Variants in GBP6 observed in about 807,000 individuals in gnomAD.
GBP6 encodes the protein guanylate binding protein family member 6.
A neutral mutation model predicts 61.5 loss-of-function variants in GBP6; 54 were observed. The ratio of observed to expected loss-of-function variants is 0.88; its 90% CI spans 0.71 to 1.10. GBP6 has a LOEUF of 1.10. Ranked by LOEUF, GBP6 falls within the 50% of genes least tolerant of loss-of-function variation. The pLI is 0.00. For synonymous variants in GBP6, 255 were observed against 273.7 expected (o/e 0.93, Z 0.67); for missense variants, 748 against 752.8 (o/e 0.99, Z 0.07).
Position 89,387,736 on chromosome 1 carries a change from C to T in GBP6, c.*2267C>T, listed in dbSNP as rs1284471219. On this transcript the variant is annotated 3_prime_UTR_variant, in exon 11 of 11. Transcript: ENST00000370456. Reference sequence around the variant, plus strand: ...TCACTTGAGGTCAGAAGTTTGAGACCAGCCTGGCCAACATGGCGAAACCCT... The same window carrying T: ...TCACTTGAGGTCAGAAGTTTGAGACTAGCCTGGCCAACATGGCGAAACCCT... Among the ~76,000 whole-genome samples the T allele has an allele frequency of 2.0e-5, 3 of 152,184 alleles. No individual in the cohort carries two copies. Among genetic ancestry groups the T allele is most frequent in the African/African-American group, 7.2e-5 (3 of 41,438 alleles).
intron 1 of GBP6, among the ~76,000 whole-genome samples, chr1:89,366,667 G>A (rs1448167190): frequency 1.3e-5 from 2 of 152,084 alleles, no homozygotes; most frequent in African/African-American, 4.8e-5. Flanking sequence ...GATTATCCAG[G>A]CTTTTGTCTT....
At chr1:89,373,557 T>G (rs188907504) in intron 3 of GBP6, among the ~76,000 whole-genome samples, 40 of 152,052 alleles carry the variant, frequency 2.6e-4, no homozygotes, top group East Asian at 3.9e-4. Flanking sequence ...CAGCAAACTA[T>G]CACAAGGACA....
At position 89,384,445 on chromosome 1, in the gene GBP6, A is replaced by G. The variant is rs12026618; in HGVS notation, c.1662+159A>G. ...GAATCCTTTTTTTCTTAATTGTTTCAGTAAGACTTGGAATTCTTCTCTATA... is the reference window on the plus strand; with the variant it reads ...GAATCCTTTTTTTCTTAATTGTTTCGGTAAGACTTGGAATTCTTCTCTATA... On this transcript the variant is annotated intron_variant, in intron 10 of 10. Transcript: ENST00000370456. Among the ~76,000 whole-genome samples the G allele has an allele frequency of 0.054, 8,288 of 152,224 alleles. 446 individuals are homozygous for G. The highest frequency in any genetic ancestry group is 0.27 in the East Asian group (1,394 of 5,160).
At chr1:89,372,670 G>A (rs1652678172) in intron 3 of GBP6, among the ~76,000 whole-genome samples, 3 of 152,062 alleles carry the variant, frequency 2.0e-5, no homozygotes, top group Admixed American at 2.0e-4. Context: ...AATTCAAGAT[G>A]GATTAAAGAC....
intron 5 of GBP6, among the ~76,000 whole-genome samples, chr1:89,379,864 A>G (rs1193450598): frequency 6.6e-6 from 1 of 152,238 alleles, no homozygotes; most frequent in East Asian, 1.9e-4. Flanking sequence ...TTGGCTGGGC[A>G]AGGTGACTTG....
intron 3 of GBP6, among the ~76,000 whole-genome samples, chr1:89,372,724 T>C (rs1329382923): frequency 6.6e-6 from 1 of 152,204 alleles, no homozygotes; most frequent in African/African-American, 2.4e-5. Flanking sequence ...GAAGAGAACC[T>C]AGGCAATACC....
chr1:89,378,732 G>A, intron 5 of GBP6, 119 bp downstream of exon 5: 1 of 736,986 alleles, frequency 1.4e-6, no homozygotes. Flanking sequence ...GTAGAAACGG[G>A]GACTGAGGGG....
At chr1:89,364,628 T>C (rs944037496) in intron 1 of GBP6, among the ~76,000 whole-genome samples, 12 of 122,876 alleles carry the variant, frequency 9.8e-5, no homozygotes, top group Non-Finnish European at 1.8e-4. Flanking sequence ...TGTGTGTGCG[T>C]GTGTGTGTGT....
In GBP6 at chr1:89,369,644, G is replaced by A; in HGVS notation, c.289G>A (p.Asp97Asn). The change falls in exon 3 of 11, where the codon GAC becomes AAC. Residue 97 changes from aspartate (D) to asparagine (N), a missense_variant. By Grantham distance (23) the Asp-to-Asn change is conservative (BLOSUM62 1). Coordinates refer to ENST00000370456, the MANE Select transcript of GBP6 (RefSeq NM_198460.3). ...SKPNHTLVLL[D>N]TEGLGDVEKG... is the part of the protein sequence containing the mutation. The stretch of plus-strand genomic sequence containing the variant: ...GCCAAACCACACCCTGGTCCTTCTG[G>A]ACACCGAAGGTCTGGGCGATGTGGA... 1 of 1,614,076 alleles carries A rather than the reference G, an allele frequency of 6.2e-7. No homozygotes were observed. The highest frequency in any genetic ancestry group is 8.5e-7 in the Non-Finnish European group (1 of 1,179,970).
At position 89,387,109 on chromosome 1, in the gene GBP6, A is replaced by T. The variant is rs1342609061; in HGVS notation, c.*1640A>T. ...TGAGCTAATTTCAGACCCTGAACTC[A>T]GTTGGAGTGGAGGGCAGTACCCCAG... On this transcript the variant is annotated 3_prime_UTR_variant, in exon 11 of 11. Coordinates refer to ENST00000370456, the MANE Select transcript of GBP6 (RefSeq NM_198460.3). 6.6e-6 allele frequency among the ~76,000 whole-genome samples: 1 copy of T among 152,196 alleles called. No individual in the cohort carries two copies. Among genetic ancestry groups the T allele is most frequent in the Non-Finnish European group, 1.5e-5 (1 of 68,036 alleles).
At chr1:89,369,478 T>C (rs1350678739) in intron 2 of GBP6, 68 bp from the exon 3 acceptor site, 1 of 1,557,668 alleles carries the variant, frequency 6.4e-7, no homozygotes, top group Non-Finnish European at 8.7e-7. Context: ...ACCAGTCTGA[T>C]GCTGTGGCCC....
chr1:89,384,383 C>T (rs1653077721), intron 10 of GBP6, 97 bp downstream of exon 10: 2 of 931,398 alleles, frequency 2.1e-6, no homozygotes, highest in Admixed American at 3.1e-5. Flanking sequence ...AAAGGAAGCA[C>T]ATCACCATTT....
intron 1 of GBP6, among the ~76,000 whole-genome samples, chr1:89,364,617 C>CTGTGTGTGCGTGTGTG (rs1652408354): frequency 8.2e-6 from 1 of 121,952 alleles, no homozygotes; most frequent in South Asian, 2.8e-4. Flanking sequence ...AGTCCAAACT[C>CTGTGTGTGCGTGTGTG]TGTGTGTGCG....
rs1019406128 is a variant in GBP6 at position 89,386,830 on chromosome 1, C to G, written c.*1361C>G. Among the ~76,000 whole-genome samples the G allele has an allele frequency of 1.3e-5, 2 of 152,116 alleles. No individual in the cohort carries two copies. The highest frequency in any genetic ancestry group is 4.8e-5 in the African/African-American group (2 of 41,428). On this transcript the variant is annotated 3_prime_UTR_variant, in exon 11 of 11. Coordinates refer to ENST00000370456, the MANE Select transcript of GBP6 (RefSeq NM_198460.3). ...ATGTGCCTTTCCAGAACTGAACCCCCTGATGGGGGATGATAGACCCAGACA... is the reference window on the plus strand; with the variant it reads ...ATGTGCCTTTCCAGAACTGAACCCCGTGATGGGGGATGATAGACCCAGACA...
At chr1:89,381,996 T>G in intron 7 of GBP6, 22 bp downstream of exon 7, 1 of 1,580,468 alleles carries the variant, frequency 6.3e-7, no homozygotes, top group Admixed American at 1.7e-5. Flanking sequence ...TAGTCATTAC[T>G]GTTCATCATC....
chr1:89,385,568 C>G lies in GBP6; in HGVS notation c.*99C>G. On this transcript the variant is annotated 3_prime_UTR_variant, in exon 11 of 11. Transcript: ENST00000370456. ...TTTTTTTTTTTTTCAGAGTCTTACT[C>G]TGTTGCCCAGGCTGGAGTACAGTGG... 1 of 1,164,330 alleles carries G rather than the reference C, an allele frequency of 8.6e-7. No homozygotes were observed. Among genetic ancestry groups the G allele is most frequent in the Admixed American group, 2.8e-5 (1 of 35,382 alleles). The allele number at this position is 1,164,330 out of a possible 1,614,324, so 72.1% of individuals were successfully genotyped here. A position where few individuals can be genotyped will look rare whatever the true frequency, so the allele number is the denominator to read the frequency against.
chr1:89,371,569 A>T (rs1392332452), intron 3 of GBP6, among the ~76,000 whole-genome samples: 1 of 152,230 alleles, frequency 6.6e-6, no homozygotes, highest in Non-Finnish European at 1.5e-5. Context: ...AAACCACATG[A>T]TTATCTCAAT....
chr1:89,374,878 C>A (rs976286159), intron 3 of GBP6, among the ~76,000 whole-genome samples: 3 of 152,002 alleles, frequency 2.0e-5, no homozygotes, highest in Non-Finnish European at 4.4e-5. Flanking sequence ...AGGTATTAAG[C>A]CTAGTATCCA....
Position 89,382,807 on chromosome 1 carries a change from C to G in GBP6, c.1296C>G (p.His432Gln), listed in dbSNP as rs774050207. The change falls in exon 8 of 11, where the codon CAC becomes CAG. Residue 432 changes from histidine (H) to glutamine (Q), a missense_variant. By Grantham distance (24) the His-to-Gln change is conservative. Coordinates refer to ENST00000370456, the MANE Select transcript of GBP6 (RefSeq NM_198460.3). Reference protein sequence around the residue: ...SAGSFSVPGGHKLYMETKERI... With the variant: ...SAGSFSVPGGQKLYMETKERI... ...GAAGTTTCTCTGTTCCTGGAGGGCA[C>G]AAGCTCTACATGGAAACAAAGGAAA... is the stretch of plus-strand genomic sequence containing the variant. 1.2e-6 allele frequency: 2 copies of G among 1,613,974 alleles called. No individual in the cohort carries two copies. The highest frequency in any genetic ancestry group is 1.1e-5 in the South Asian group (1 of 91,072).
Sources: gnomAD v4.1 joint callset for allele counts (sites outside exome capture counted in the v4.1 genomes callset) on GRCh38, gnomAD v4.1.1 for gene constraint, MANE v1.5 for transcripts, NCBI Gene and HGNC (gene_info 2026-07-23, HGNC 2026-07-21) for gene names.